Variants in CCDC40 observed in about 807,000 individuals in gnomAD.
The protein encoded by CCDC40 is coiled-coil domain 40 molecular ruler complex subunit, also known as coiled-coil domain-containing protein 40.
CCDC40 carries 104 observed loss-of-function variants against 124.5 expected under a neutral mutation model. The ratio of observed to expected loss-of-function variants is 0.84; its 90% CI spans 0.71 to 0.98. The LOEUF (loss-of-function observed/expected upper bound fraction) is 0.98, where lower values mean the gene tolerates loss of function less well. Ranked by LOEUF, CCDC40 falls within the 50% of genes least tolerant of loss-of-function variation. CCDC40 has a pLI of 0.00. For synonymous variants in CCDC40, 580 were observed against 602.9 expected, an observed-to-expected ratio of 0.96 and a Z score of 0.56; for missense variants, 1,463 against 1,503.9, an observed-to-expected ratio of 0.97 and a Z score of 0.45.
At chr17:80,098,131 C>A (rs1369345003) in intron 19 of CCDC40, among the ~76,000 whole-genome samples, 1 of 152,186 alleles carries the variant, frequency 6.6e-6, no homozygotes, top group African/African-American at 2.4e-5. Context: ...GCCCACAAAA[C>A]CACCCCAGGT....
At chr17:80,079,119 T>C (rs2038385111) in intron 10 of CCDC40, among the ~76,000 whole-genome samples, 1 of 152,124 alleles carries the variant, frequency 6.6e-6, no homozygotes, top group Non-Finnish European at 1.5e-5. Flanking sequence ...GTATTTTTAG[T>C]AGAGATGGGG....
rs886038641 is a variant in CCDC40, at chr17:80,048,574, T to TC, written c.677-3dup. ...AGCTCCTCAATGGTGTCGCTGTCTCTCCCCCCAGTGATCCCCCCAGGGGTG... is the reference window on the plus strand; with the variant it reads ...AGCTCCTCAATGGTGTCGCTGTCTCTCCCCCCCAGTGATCCCCCCAGGGGTG... On this transcript the variant is annotated splice_polypyrimidine_tract_variant and intron_variant, in intron 4 of 19. Transcript: ENST00000397545. 1.9e-6 allele frequency: 3 copies of TC among 1,609,172 alleles called. No homozygotes were observed. The highest frequency in any genetic ancestry group is 1.3e-5 in the African/African-American group (1 of 74,720).
At chr17:80,043,260 C>T (rs2037327264) in intron 3 of CCDC40, among the ~76,000 whole-genome samples, 1 of 152,116 alleles carries the variant, frequency 6.6e-6, no homozygotes, top group Admixed American at 6.5e-5. Context: ...CCATAGACTG[C>T]CCAGCCTTAG....
In CCDC40 at chr17:80,058,646, A is replaced by T. The variant is rs371595543; in HGVS notation, c.1312A>T (p.Lys438Ter). The T allele has an allele frequency of 4.3e-6, 7 of 1,614,102 alleles. No homozygotes were observed. The highest frequency in any genetic ancestry group is 1.3e-5 in the African/African-American group (1 of 74,928). ...ERIRAEIEKK[K>*]QDLYVDQLTT... The stretch of plus-strand genomic sequence containing the variant: ...GATCCGGGCAGAAATCGAGAAGAAA[A>T]AGCAGGTATTCTGCAAACTCGACAC... The change falls in exon 8 of 20, where the codon AAG becomes TAG. Residue 438 changes from lysine (K) to a stop codon, truncating the protein, a stop_gained. Transcript: ENST00000397545. LOFTEE classifies it high-confidence loss of function. This position sits in a 1 kb window ranked among gnomAD's most constrained non-coding sequence, Gnocchi z 4.2.
chr17:80,066,493 C>T lies in CCDC40; in HGVS notation c.1562+887C>T, dbSNP rs1264459161. On this transcript the variant is annotated intron_variant, in intron 10 of 19. Coordinates refer to ENST00000397545, the MANE Select transcript of CCDC40 (RefSeq NM_017950.4). This position sits in a 1 kb window ranked among gnomAD's most constrained non-coding sequence, Gnocchi z 4.4. ...TCATTTCTGGCCAGGCGCAGTGGCT[C>T]GCACCTGTAATCCCAACATTTTGGG... 15 of 270,470 alleles carry T rather than the reference C, an allele frequency of 5.5e-5. 1 individual carries two copies. In the East Asian group the frequency reaches 1.2e-3, roughly 22 times the overall value. The allele number at this position is 270,470 out of a possible 1,614,324, so 16.8% of individuals were successfully genotyped here. A position where few individuals can be genotyped will look rare whatever the true frequency, so the allele number is the denominator to read the frequency against.
At position 80,087,834 on chromosome 17, in the gene CCDC40, C is replaced by A; in HGVS notation, c.2619+58C>A. The A allele has an allele frequency of 6.6e-7, 1 of 1,517,674 alleles. No individual in the cohort carries two copies. Among genetic ancestry groups the A allele is most frequent in the South Asian group, 1.1e-5 (1 of 89,084 alleles). The allele number at this position is 1,517,674 out of a possible 1,614,324, so 94.0% of individuals were successfully genotyped here. On this transcript the variant is annotated intron_variant, in intron 15 of 19. Coordinates refer to ENST00000397545, the MANE Select transcript of CCDC40 (RefSeq NM_017950.4). This position sits in a 1 kb window ranked among gnomAD's most constrained non-coding sequence, Gnocchi z 4.5. ...GGACGATGGAGGGCGGGGGTACGGT[C>A]CTTGCGGTGGGCGTTCTGCACCAGG...
At chr17:80,093,517 T>C (rs987184842) in intron 17 of CCDC40, among the ~76,000 whole-genome samples, 15 of 146,332 alleles carry the variant, frequency 1.0e-4, no homozygotes, top group Non-Finnish European at 1.3e-4. Flanking sequence ...TTCTTATTTC[T>C]CTTTTTTTTT....
rs909664691 is a variant in CCDC40 at position 80,066,251 on chromosome 17, C to T, written c.1562+645C>T. The T allele has an allele frequency of 1.4e-6, 1 of 697,300 alleles. No individual in the cohort carries two copies. The highest frequency in any genetic ancestry group is 2.0e-5 in the Admixed American group (1 of 49,392). 43.2% of individuals were successfully genotyped at this position (697,300 alleles called of 1,614,324 possible). A position where few individuals can be genotyped will look rare whatever the true frequency, so the allele number is the denominator to read the frequency against. ...TCCACCCCTTGTGCCCAGCACAGAG[C>T]CTGGCATACAGCAAGCGCTCAAGAA... On this transcript the variant is annotated intron_variant, in intron 10 of 19. Coordinates refer to ENST00000397545, the MANE Select transcript of CCDC40 (RefSeq NM_017950.4). This position sits in a 1 kb window ranked among gnomAD's most constrained non-coding sequence, Gnocchi z 4.4.
At chr17:80,079,476 G>A (rs1368208157) in intron 10 of CCDC40, among the ~76,000 whole-genome samples, 2 of 152,100 alleles carry the variant, frequency 1.3e-5, no homozygotes, top group Admixed American at 6.6e-5. Context: ...AGAAATCACC[G>A]TTGTTCTTTG....
intron 10 of CCDC40, among the ~76,000 whole-genome samples, chr17:80,074,239 G>A (rs1367343778): frequency 7.2e-5 from 11 of 152,164 alleles, no homozygotes; most frequent in Admixed American, 2.0e-4. Context: ...GGCCGGGCGC[G>A]GTGGCTCACG....
At position 80,050,224 on chromosome 17, in the gene CCDC40, A is replaced by C. The variant is rs966387220; in HGVS notation, c.1100A>C (p.Gln367Pro). ...SERRQKEEEL[Q>P]AARALYTKTC... is the part of the protein sequence containing the mutation. ...CGCAGGCAGAAGGAGGAGGAGCTGC[A>C]GGCCGCCCGCGCTCTCTACACCAAG... Residue 367 changes from glutamine to proline, a missense_variant, in exon 7 of 20, where the codon CAG becomes CCG. Gln to Pro is a moderately conservative substitution (Grantham distance 76). Coordinates refer to ENST00000397545, the MANE Select transcript of CCDC40 (RefSeq NM_017950.4). 5 of 1,604,476 alleles carry C rather than the reference A, an allele frequency of 3.1e-6. No homozygotes were observed. The highest frequency in any genetic ancestry group is 4.2e-6 in the Non-Finnish European group (5 of 1,176,982).
At chr17:80,040,691 A>G (rs989835997) in intron 3 of CCDC40, among the ~76,000 whole-genome samples, 3 of 151,758 alleles carry the variant, frequency 2.0e-5, no homozygotes, top group Admixed American at 6.6e-5. Context: ...AAAAAAAAAA[A>G]AAAAGAAAAG....
chr17:80,069,262 G>A (rs995888222), intron 10 of CCDC40, among the ~76,000 whole-genome samples: 2 of 152,104 alleles, frequency 1.3e-5, no homozygotes, highest in African/African-American at 2.4e-5. Context: ...CTGCTGCGTG[G>A]GGGGGGCGGT....
rs559510688 is a variant in CCDC40, at chr17:80,085,930, A to C, written c.2236-73A>C. The C allele has an allele frequency of 2.6e-4, 371 of 1,413,298 alleles. 2 individuals carry two copies. The East Asian group carries it at 7.2e-3, about 28-fold the overall frequency. 87.5% of individuals were successfully genotyped at this position (1,413,298 alleles called of 1,614,324 possible). On this transcript the variant is annotated intron_variant, in intron 13 of 19. Transcript: ENST00000397545. The stretch of plus-strand genomic sequence containing the variant: ...GGTGATCCACCCGCCTCAGCCTCCC[A>C]AAGTGCTGGAATTACAGGCGTGAGT...
chr17:80,088,231 TTTG>T (rs1471132201), intron 16 of CCDC40, 129 bp downstream of exon 16: 13 of 729,420 alleles, frequency 1.8e-5, no homozygotes, highest in South Asian at 5.9e-5. Context: ...TTGGTCATTT[TTTG>T]TTGTTGTTTT....
At position 80,081,929 on chromosome 17, in the gene CCDC40, C is replaced by T. The variant is rs571288423; in HGVS notation, c.1860C>T (p.Gly620=). 2.5e-5 allele frequency: 40 copies of T among 1,613,926 alleles called. No individual in the cohort carries two copies. Among genetic ancestry groups the T allele is most frequent in the Middle Eastern group, 3.3e-4 (2 of 6,062 alleles). ...ELQAIRQAIQ[G]ELELRRKTDA... is the part of the protein sequence containing the mutation. ...AGGCCATCCGCCAAGCCATCCAGGG[C>T]GAGCTGGAGCTCAGGAGGAAGACGG... Residue 620 remains glycine, a synonymous_variant, in exon 12 of 20, where the codon GGC becomes GGT. Transcript: ENST00000397545.
Position 80,036,704 on chromosome 17 carries a change from G to A in CCDC40, c.29+13G>A. 1.4e-6 allele frequency: 2 copies of A among 1,463,260 alleles called. No individual in the cohort carries two copies. The highest frequency in any genetic ancestry group is 1.8e-6 in the Non-Finnish European group (2 of 1,108,552). 90.6% of individuals were successfully genotyped at this position (1,463,260 alleles called of 1,614,324 possible). A position where few individuals can be genotyped will look rare whatever the true frequency, so the allele number is the denominator to read the frequency against. ...GCGCGGCGGGCCGGTAAGCCGGGCC[G>A]AGGGGCAGCGGGTCTTGGAGTCGCC... is the stretch of plus-strand genomic sequence containing the variant. On this transcript the variant is annotated intron_variant, in intron 1 of 19. Coordinates refer to ENST00000397545, the MANE Select transcript of CCDC40 (RefSeq NM_017950.4).
Position 80,092,703 on chromosome 17 carries a change from T to C in CCDC40, c.2833-2560T>C, listed in dbSNP as rs150351578. On this transcript the variant is annotated intron_variant, in intron 17 of 19. Transcript: ENST00000397545. Reference sequence around the variant, plus strand: ...ATGGCTCACTGCAGCCTTGACCTTGTGGGCTCAAAGGATCCTCCTGCCTGG... The same window carrying C: ...ATGGCTCACTGCAGCCTTGACCTTGCGGGCTCAAAGGATCCTCCTGCCTGG... Among the ~76,000 whole-genome samples the C allele has an allele frequency of 6.9e-3, 1,055 of 152,256 alleles. 7 individuals carry two copies. The highest frequency in any genetic ancestry group is 0.017 in the Middle Eastern group (5 of 294).
intron 10 of CCDC40, among the ~76,000 whole-genome samples, chr17:80,079,538 T>A (rs2038397828): frequency 1.3e-5 from 2 of 152,198 alleles, no homozygotes; most frequent in African/African-American, 4.8e-5. Flanking sequence ...AATTTAATCA[T>A]CCTCATCGAT....
Sources: allele counts gnomAD v4.1 joint callset (sites outside exome capture counted in the v4.1 genomes callset), GRCh38; gene constraint gnomAD v4.1.1; non-coding constraint Gnocchi (gnomAD v3.1); transcripts MANE v1.5; gene names NCBI Gene and HGNC (gene_info 2026-07-23, HGNC 2026-07-21).